The following CHRM3 variants were observed in gnomAD, a reference collection of about 807,000 sequenced individuals.
CHRM3 encodes the protein muscarinic acetylcholine receptor M3.
A neutral mutation model predicts 41.8 loss-of-function variants in CHRM3; 11 were observed. The ratio of observed to expected loss-of-function variants is 0.26; its 90% CI spans 0.17 to 0.44. The LOEUF (loss-of-function observed/expected upper bound fraction) is 0.44. CHRM3 is among the 20% of genes least tolerant of loss of function. The probability of loss-of-function intolerance (pLI) is 1.00; values close to 1 mark genes in which losing one functional copy is unlikely to be tolerated. For synonymous variants in CHRM3, 297 were observed against 301.4 expected (o/e 0.99, Z 0.15); for missense variants, 571 against 745.4 (o/e 0.77, Z 2.72).
chr1:239,869,691 G>A (rs866384474), intron 6 of CHRM3, among the ~76,000 whole-genome samples: 1 of 152,120 alleles, frequency 6.6e-6, no homozygotes, highest in African/African-American at 2.4e-5. Context: ...ACTTATTACT[G>A]TATTAATTGC....
intron 5 of CHRM3, among the ~76,000 whole-genome samples, chr1:239,684,844 T>G (rs1487009005): frequency 6.6e-6 from 1 of 151,590 alleles, no homozygotes; most frequent in Non-Finnish European, 1.5e-5. Flanking sequence ...GAGAATTTTC[T>G]GGGACAGTGG....
chr1:239,698,230 C>T (rs571181212), intron 5 of CHRM3, among the ~76,000 whole-genome samples: 8 of 152,262 alleles, frequency 5.3e-5, no homozygotes, highest in Non-Finnish European at 1.0e-4. Flanking sequence ...GACATTACTA[C>T]ATAATTAAGA....
intron 2 of CHRM3, among the ~76,000 whole-genome samples, chr1:239,541,809 A>G (rs1658808951): frequency 6.6e-6 from 1 of 152,146 alleles, no homozygotes; most frequent in South Asian, 2.1e-4. Flanking sequence ...CACCATGCCC[A>G]GCCAATTTTT....
intron 6 of CHRM3, among the ~76,000 whole-genome samples, chr1:239,835,678 T>A (rs1327308736): frequency 6.6e-6 from 1 of 152,186 alleles, no homozygotes; most frequent in African/African-American, 2.4e-5. Flanking sequence ...TTTCGAATAG[T>A]TTAGAATAGA....
intron 1 of CHRM3, among the ~76,000 whole-genome samples, chr1:239,410,690 C>A (rs1660998019): frequency 1.3e-5 from 2 of 152,160 alleles, no homozygotes; most frequent in Non-Finnish European, 2.9e-5. Flanking sequence ...CTTCTACACC[C>A]CCTTCCTCCA....
chr1:239,642,831 G>T (rs1237272441), intron 4 of CHRM3, among the ~76,000 whole-genome samples: 1 of 152,196 alleles, frequency 6.6e-6, no homozygotes, highest in Non-Finnish European at 1.5e-5. Context: ...CTTTGGAGGA[G>T]GAGAGGCGCT....
chr1:239,568,198 G>T (rs2148521872), intron 3 of CHRM3, among the ~76,000 whole-genome samples: 1 of 152,196 alleles, frequency 6.6e-6, no homozygotes, highest in Middle Eastern at 3.4e-3. Flanking sequence ...GAGGGCAAAG[G>T]CCCAGTAATA....
intron 1 of CHRM3, among the ~76,000 whole-genome samples, chr1:239,479,153 C>T (rs773545035): frequency 1.3e-5 from 2 of 150,486 alleles, no homozygotes; most frequent in Non-Finnish European, 3.0e-5. Flanking sequence ...CTCTGCTCTG[C>T]AGCCTGGGTG....
intron 3 of CHRM3, among the ~76,000 whole-genome samples, chr1:239,604,853 T>G (rs1666045138): frequency 2.0e-5 from 3 of 152,234 alleles, no homozygotes; most frequent in South Asian, 4.1e-4. Flanking sequence ...TTTTGAAGAT[T>G]GTTCACTCTA....
intron 5 of CHRM3, among the ~76,000 whole-genome samples, chr1:239,816,632 A>G (rs1485467444): frequency 6.6e-6 from 1 of 152,070 alleles, no homozygotes; most frequent in Non-Finnish European, 1.5e-5. Context: ...GGGCAGCATA[A>G]TCTAGTAGAC....
At chr1:239,447,633 G>A (rs547041251) in intron 1 of CHRM3, among the ~76,000 whole-genome samples, 1 of 152,172 alleles carries the variant, frequency 6.6e-6, no homozygotes, top group Non-Finnish European at 1.5e-5. Context: ...AAACTTAGCC[G>A]GGCGTGGTGG....
At chr1:239,813,635 T>TG (rs1671293806) in intron 5 of CHRM3, among the ~76,000 whole-genome samples, 1 of 151,902 alleles carries the variant, frequency 6.6e-6, no homozygotes, top group Non-Finnish European at 1.5e-5. Context: ...AACTCACAGT[T>TG]GGCCGGGCGC....
intron 5 of CHRM3, among the ~76,000 whole-genome samples, chr1:239,686,270 CAGAG>C (rs1165500655): frequency 6.6e-6 from 1 of 152,160 alleles, no homozygotes; most frequent in Non-Finnish European, 1.5e-5. Context: ...CATAAAACAG[CAGAG>C]TTTCTATGGG....
At position 239,660,144 on chromosome 1, in the gene CHRM3, T is replaced by C. The variant is rs148347313; in HGVS notation, c.-249-18042T>C. Among the ~76,000 whole-genome samples, 460 of 152,180 alleles carry C rather than the reference T, an allele frequency of 3.0e-3. 1 individual carries two copies. The highest frequency in any genetic ancestry group is 6.8e-3 in the Middle Eastern group (2 of 294). On this transcript the variant is annotated intron_variant, in intron 4 of 6. Transcript: ENST00000676153. ...CTTGCACTGGCTAATGGTTTTTGTT[T>C]TGTTTTGTATTGTTTTTTGTAGAGA...
At chr1:239,396,029 G>A (rs1348976184) in intron 1 of CHRM3, among the ~76,000 whole-genome samples, 5 of 152,126 alleles carry the variant, frequency 3.3e-5, no homozygotes, top group Non-Finnish European at 7.3e-5. Flanking sequence ...GCTGTTGCAG[G>A]TATCCTCATC....
chr1:239,772,402 C>T (rs763070245), intron 5 of CHRM3, among the ~76,000 whole-genome samples: 4 of 152,186 alleles, frequency 2.6e-5, no homozygotes, highest in South Asian at 2.1e-4. Flanking sequence ...CCGGCCACCT[C>T]GGCCTTCCAA....
chr1:239,504,190 A>G (rs1668418252), intron 2 of CHRM3, among the ~76,000 whole-genome samples: 1 of 152,148 alleles, frequency 6.6e-6, no homozygotes, highest in African/African-American at 2.4e-5. Flanking sequence ...AGAATCTACA[A>G]CAAACTCAAA....
intron 1 of CHRM3, among the ~76,000 whole-genome samples, chr1:239,491,280 A>C (rs1016328438): frequency 6.6e-6 from 1 of 152,228 alleles, no homozygotes; most frequent in African/African-American, 2.4e-5. Flanking sequence ...GTAGAACACT[A>C]GAACTTATTC....
intron 4 of CHRM3, among the ~76,000 whole-genome samples, chr1:239,656,928 A>C (rs1672770121): frequency 6.6e-6 from 1 of 152,214 alleles, no homozygotes; most frequent in Non-Finnish European, 1.5e-5. Context: ...TTTGGACTTC[A>C]AAATAGTTTA....
Sources: allele counts gnomAD v4.1 joint callset (sites outside exome capture counted in the v4.1 genomes callset), GRCh38; gene constraint gnomAD v4.1.1; transcripts MANE v1.5; gene names NCBI Gene and HGNC (gene_info 2026-07-23, HGNC 2026-07-21).